The following ELFN2 variants were observed in gnomAD, a reference collection of about 807,000 sequenced individuals.
The protein encoded by ELFN2 is extracellular leucine rich repeat and fibronectin type III domain containing 2.
A neutral mutation model predicts 45.5 loss-of-function variants in ELFN2; 17 were observed. That is an observed-to-expected ratio of 0.37 (90% CI 0.26 to 0.56). ELFN2 has a LOEUF of 0.56. Among genes scored for constraint, ELFN2 ranks in the 20% least tolerant of loss-of-function variants. ELFN2 has a pLI of 0.77. For missense variants in ELFN2, 922 were observed against 1,183.2 expected, an observed-to-expected ratio of 0.78 and a Z score of 3.24; for synonymous variants, 550 against 551.5, an observed-to-expected ratio of 1.00 and a Z score of 0.04.
rs144262499 is a variant in ELFN2 at position 37,411,079 on chromosome 22, A to G, written c.-463+6690T>C. 2.9e-3 allele frequency among the ~76,000 whole-genome samples: 447 copies of G among 152,302 alleles called. 2 individuals are homozygous for G. The highest frequency in any genetic ancestry group is 0.01 in the African/African-American group (416 of 41,566). On this transcript the variant is annotated intron_variant, in intron 2 of 2. Transcript: ENST00000402918. ...CGCCAGGCGTAGCACCAAGTGCTTC[A>G]TAGTGTCACCCTTGGGTGGTGGGCA...
At chr22:37,415,646 TC>T (rs1234948367) in intron 2 of ELFN2, among the ~76,000 whole-genome samples, 2 of 152,196 alleles carry the variant, frequency 1.3e-5, no homozygotes, top group African/African-American at 2.4e-5. Context: ...TGTCAGGAAA[TC>T]ATTTTAAAAC....
intron 1 of ELFN2, among the ~76,000 whole-genome samples, chr22:37,424,738 T>A (rs1362384411): frequency 1.3e-5 from 2 of 152,266 alleles, no homozygotes; most frequent in East Asian, 3.9e-4. Flanking sequence ...GAACTCAGTT[T>A]ACTCATCTGT....
At chr22:37,354,274 TTCTTCA>T (rs1375102027) in intron 1 of ELFN2, 1 of 152,148 alleles carries the variant, frequency 6.6e-6, no homozygotes, top group Non-Finnish European at 1.5e-5. Context: ...AGTGGCCATG[TTCTTCA>T]TCTTCATCAG....
At chr22:37,403,699 A>G (rs1932424197) in intron 2 of ELFN2, among the ~76,000 whole-genome samples, 1 of 152,228 alleles carries the variant, frequency 6.6e-6, no homozygotes, top group Admixed American at 6.5e-5. Flanking sequence ...CCCAGAGACC[A>G]TCCGGGACCT....
intron 2 of ELFN2, among the ~76,000 whole-genome samples, chr22:37,378,191 G>C (rs534519534): frequency 2.0e-5 from 3 of 152,254 alleles, no homozygotes; most frequent in Non-Finnish European, 4.4e-5. Flanking sequence ...CATCAGCTTC[G>C]GGGGCATGTG....
intron 2 of ELFN2, among the ~76,000 whole-genome samples, chr22:37,386,316 A>G (rs937172300): frequency 4.0e-5 from 6 of 151,810 alleles, no homozygotes; most frequent in Admixed American, 3.9e-4. Flanking sequence ...CCCTCTCCCC[A>G]TGGACTCCCT....
Position 37,349,562 on chromosome 22 carries a change from G to T in ELFN2, n.149-6859C>A, listed in dbSNP as rs761181711. Reference sequence around the variant, plus strand: ...AAGCCCCAGCACGGGGACCCCCTTTGCAGCCCCTCCTACCCCAGGGACATC... The same window carrying T: ...AAGCCCCAGCACGGGGACCCCCTTTTCAGCCCCTCCTACCCCAGGGACATC... On this transcript the variant is annotated intron_variant and non_coding_transcript_variant, in intron 1 of 2. Transcript: ENST00000452946. Among the ~76,000 whole-genome samples the T allele has an allele frequency of 2.6e-5, 4 of 151,058 alleles. 1 individual carries two copies. Among genetic ancestry groups the T allele is most frequent in the Non-Finnish European group, 5.9e-5 (4 of 67,322 alleles).
downstream of ELFN2, among the ~76,000 whole-genome samples, chr22:37,364,341 G>C (rs1046334862): frequency 8.5e-5 from 13 of 152,202 alleles, 1 homozygote; most frequent in Admixed American, 6.5e-4. Flanking sequence ...GGGATGAGGG[G>C]CTCCGGAAGA....
At chr22:37,352,217 TTACTCTTCACCCAGG>T (rs1186709917) in intron 1 of ELFN2, 1 of 151,196 alleles carries the variant, frequency 6.6e-6, no homozygotes, top group Middle Eastern at 3.4e-3. Context: ...TAATTACTTT[TTACTCTTCACCCAGG>T]TACTAAGGTA....
intron 1 of ELFN2, among the ~76,000 whole-genome samples, chr22:37,359,191 A>G (rs1931021532): frequency 6.6e-6 from 1 of 152,206 alleles, no homozygotes; most frequent in African/African-American, 2.4e-5. Context: ...AATTGAAAAT[A>G]TAATTTGTAA....
intron 2 of ELFN2, among the ~76,000 whole-genome samples, chr22:37,379,930 C>G (rs1055515045): frequency 7.2e-5 from 11 of 152,180 alleles, no homozygotes; most frequent in African/African-American, 2.7e-4. Context: ...CACCCCTGCC[C>G]CCCCTCGGAG....
intron 2 of ELFN2, among the ~76,000 whole-genome samples, chr22:37,386,825 C>T (rs1401192684): frequency 6.6e-6 from 1 of 152,238 alleles, no homozygotes; most frequent in Non-Finnish European, 1.5e-5. Flanking sequence ...AACGTGCTGC[C>T]AAAGCGCAGG....
intron 1 of ELFN2, among the ~76,000 whole-genome samples, chr22:37,346,200 C>T (rs573269987): frequency 5.9e-5 from 9 of 152,366 alleles, no homozygotes; most frequent in African/African-American, 2.2e-4. Context: ...ATAGTTGAAA[C>T]TCTATTATTG....
chr22:37,374,654 G>A lies in ELFN2; in HGVS notation c.881C>T (p.Ser294Leu), dbSNP rs773900601. The change falls in exon 3 of 3, where the codon TCG becomes TTG. Residue 294 changes from serine (S) to leucine (L), a missense_variant. This residue lies in a region of ELFN2 where 358 missense variants were observed against 540.4 expected (regional missense o/e 0.66). Coordinates refer to ENST00000402918, the MANE Select transcript of ELFN2 (RefSeq NM_052906.5). ...EPPASSTTDASAGPAIKLHHV... is the reference protein window; with the variant it reads ...EPPASSTTDALAGPAIKLHHV... ...GTGCAGCTTGATGGCTGGCCCTGCC[G>A]ACGCATCCGTGGTGGACGAGGCCGG... is the stretch of plus-strand genomic sequence containing the variant. 18 of 1,613,252 alleles carry A rather than the reference G, an allele frequency of 1.1e-5. No individual in the cohort carries two copies. Among genetic ancestry groups the A allele is most frequent in the Middle Eastern group, 1.6e-4 (1 of 6,080 alleles).
chr22:37,345,020 C>CCCT, intron 1 of ELFN2, among the ~76,000 whole-genome samples: 1 of 152,208 alleles, frequency 6.6e-6, no homozygotes, highest in African/African-American at 2.4e-5. Context: ...TGAGGGGCCA[C>CCCT]GCTCCCGTCA....
chr22:37,395,442 G>C (rs1932190905), intron 2 of ELFN2, among the ~76,000 whole-genome samples: 2 of 152,192 alleles, frequency 1.3e-5, no homozygotes, highest in Non-Finnish European at 2.9e-5. Context: ...ATCAGGCCCA[G>C]AGCAGTGAAG....
rs764708659 is a variant in ELFN2 at position 37,374,371 on chromosome 22, C to T, written c.1164G>A (p.Ala388=). The change falls in exon 3 of 3, where the codon GCG becomes GCA. Residue 388 remains alanine, a synonymous_variant. Transcript: ENST00000402918. ...AGTGGGTGGTGGTGGAGGTGCTGGGCGCCAAGTCTCCGGGGACGGGGTCCC... is the reference window on the plus strand; with the variant it reads ...AGTGGGTGGTGGTGGAGGTGCTGGGTGCCAAGTCTCCGGGGACGGGGTCCC... ...TTRDPVPGDL[A]PSTSTTTHYI... is the part of the protein sequence containing the mutation. The T allele has an allele frequency of 5.0e-6, 8 of 1,613,844 alleles. No homozygotes were observed. The African/African-American group carries it at 6.7e-5, about 13-fold the overall frequency.
At chr22:37,354,782 A>C (rs1315578026) in intron 1 of ELFN2, 2 of 145,202 alleles carry the variant, frequency 1.4e-5, no homozygotes, top group South Asian at 4.3e-4. Flanking sequence ...TGTCCTATGC[A>C]TTGTGAAATG....
intron 2 of ELFN2, among the ~76,000 whole-genome samples, chr22:37,388,764 C>G (rs999156155): frequency 6.6e-6 from 1 of 152,206 alleles, no homozygotes; most frequent in Non-Finnish European, 1.5e-5. Flanking sequence ...TCAGTCTTCT[C>G]ATCTGTAAAG....
Sources: gnomAD v4.1 joint callset for allele counts (sites outside exome capture counted in the v4.1 genomes callset) on GRCh38, gnomAD v4.1.1 for gene constraint, gnomAD v4.1.1 regional missense constraint, MANE v1.5 for transcripts, NCBI Gene and HGNC (gene_info 2026-07-23, HGNC 2026-07-21) for gene names.